ARHGAP15: variants seen among roughly 807,000 people sequenced by gnomAD.
ARHGAP15 encodes rho GTPase-activating protein 15.
A neutral mutation model predicts 63.7 loss-of-function variants in ARHGAP15; 51 were observed. That is an observed-to-expected ratio of 0.80 (90% confidence interval 0.64 to 1.01). ARHGAP15 has a LOEUF of 1.01. Among genes scored for constraint, ARHGAP15 ranks in the 50% least tolerant of loss-of-function variants. The pLI is 0.00. For synonymous variants in ARHGAP15, 191 were observed against 193.8 expected (o/e 0.99, Z 0.12); for missense variants, 560 against 564.6 (o/e 0.99, Z 0.08).
intron 8 of ARHGAP15, among the ~76,000 whole-genome samples, chr2:143,478,327 G>A (rs768117540): frequency 1.3e-4 from 20 of 152,120 alleles, no homozygotes; most frequent in Non-Finnish European, 2.4e-4. Context: ...TCTCTCAGCC[G>A]TACAATGATA....
chr2:143,572,324 C>A (rs1034264150), intron 11 of ARHGAP15, among the ~76,000 whole-genome samples: 5 of 152,176 alleles, frequency 3.3e-5, no homozygotes, highest in African/African-American at 1.2e-4. Context: ...CTGTCCTCAC[C>A]CCTGACACCT....
chr2:143,468,790 T>C (rs1360797422), intron 8 of ARHGAP15, among the ~76,000 whole-genome samples: 1 of 152,086 alleles, frequency 6.6e-6, no homozygotes, highest in African/African-American at 2.4e-5. Context: ...GTAAAATCAG[T>C]AGTCTATTCA....
chr2:143,288,241 A>T (rs1432345976), intron 6 of ARHGAP15, among the ~76,000 whole-genome samples: 2 of 152,190 alleles, frequency 1.3e-5, no homozygotes, highest in Admixed American at 6.5e-5. Context: ...CACTCAGTTC[A>T]GTCCTGTGCA....
At chr2:143,449,892 A>G (rs1321313319) in intron 8 of ARHGAP15, among the ~76,000 whole-genome samples, 1 of 151,926 alleles carries the variant, frequency 6.6e-6, no homozygotes, top group African/African-American at 2.4e-5. Context: ...AATCTTTCTC[A>G]TAAATTTGCC....
intron 5 of ARHGAP15, chr2:143,235,892 AGCACT>A (rs1693623090): frequency 6.6e-7 from 1 of 1,515,486 alleles, no homozygotes; most frequent in Admixed American, 2.3e-5. Flanking sequence ...AATTGACTCT[AGCACT>A]TCATTTGCAG....
At chr2:143,576,871 A>G (rs1310805123) in intron 11 of ARHGAP15, among the ~76,000 whole-genome samples, 1 of 152,162 alleles carries the variant, frequency 6.6e-6, no homozygotes, top group Non-Finnish European at 1.5e-5. Flanking sequence ...ATTGGAATGA[A>G]AGGAAGTCCA....
chr2:143,283,404 G>A (rs1681950426), intron 6 of ARHGAP15, among the ~76,000 whole-genome samples: 1 of 152,034 alleles, frequency 6.6e-6, no homozygotes, highest in African/African-American at 2.4e-5. Context: ...AAAATTTGAA[G>A]TAAGACAAAA....
chr2:143,235,909 T>C lies in ARHGAP15; in HGVS notation c.384+7241T>C, dbSNP rs555710755. ...TTGACTCTAGCACTTCATTTGCAGC[T>C]TGACTCCTAAGTACCTGCTGTACTT... On this transcript the variant is annotated intron_variant, in intron 5 of 13. Transcript: ENST00000295095. The C allele has an allele frequency of 7.2e-6, 11 of 1,530,008 alleles. No individual in the cohort carries two copies. In the East Asian group the frequency reaches 2.8e-4, roughly 38 times the overall value. The allele number at this position is 1,530,008 out of a possible 1,614,324, so 94.8% of individuals were successfully genotyped here. A position where few individuals can be genotyped will look rare whatever the true frequency, so the allele number is the denominator to read the frequency against.
intron 11 of ARHGAP15, among the ~76,000 whole-genome samples, chr2:143,588,431 T>C (rs1697194720): frequency 6.6e-6 from 1 of 152,126 alleles, no homozygotes; most frequent in Non-Finnish European, 1.5e-5. Context: ...TAGGTATACA[T>C]GTGCCATGGT....
intron 9 of ARHGAP15, among the ~76,000 whole-genome samples, chr2:143,504,670 T>C (rs950273890): frequency 6.6e-6 from 1 of 152,204 alleles, no homozygotes; most frequent in African/African-American, 2.4e-5. Flanking sequence ...TGAAGTGTGT[T>C]GCACAATTTG....
intron 6 of ARHGAP15, among the ~76,000 whole-genome samples, chr2:143,405,762 G>T (rs1688174063): frequency 6.6e-6 from 1 of 151,824 alleles, no homozygotes; most frequent in African/African-American, 2.4e-5. Flanking sequence ...CTTGGGTAAT[G>T]CTTCATTTCT....
In ARHGAP15 at chr2:143,278,522, C is replaced by G. The variant is rs372641042; in HGVS notation, c.474+27922C>G. On this transcript the variant is annotated intron_variant, in intron 6 of 13. Coordinates refer to ENST00000295095, the MANE Select transcript of ARHGAP15 (RefSeq NM_018460.4). The stretch of plus-strand genomic sequence containing the variant: ...CTGAGAATGCCTGCTAAATTTGGCC[C>G]CTTTTTTAGACACTGACCTTGGGCA... Among the ~76,000 whole-genome samples the G allele has an allele frequency of 9.2e-5, 14 of 152,182 alleles. No homozygotes were observed. The South Asian group carries it at 2.9e-3, about 32-fold the overall frequency.
intron 12 of ARHGAP15, among the ~76,000 whole-genome samples, chr2:143,697,676 T>C (rs1424256850): frequency 6.6e-6 from 1 of 152,206 alleles, no homozygotes; most frequent in East Asian, 1.9e-4. Context: ...AAAGCAACTA[T>C]GAGTTACTCA....
chr2:143,766,202 A>G (rs1686941748), intron 13 of ARHGAP15, among the ~76,000 whole-genome samples: 2 of 152,174 alleles, frequency 1.3e-5, no homozygotes, highest in African/African-American at 2.4e-5. Flanking sequence ...GGTTTCAGTT[A>G]TCCAAAGTCA....
At chr2:143,239,986 G>T in intron 5 of ARHGAP15, among the ~76,000 whole-genome samples, 1 of 57,966 alleles carries the variant, frequency 1.7e-5, no homozygotes, top group Non-Finnish European at 2.9e-5. Context: ...GTGAGACTCT[G>T]TCTCAAAAAA....
At chr2:143,250,846 T>C (rs760924362) in intron 6 of ARHGAP15, among the ~76,000 whole-genome samples, 5 of 152,040 alleles carry the variant, frequency 3.3e-5, no homozygotes, top group Admixed American at 1.3e-4. Context: ...ACAAAAGTCA[T>C]TGAAGTTTGC....
At chr2:143,406,162 C>T (rs915895180) in intron 6 of ARHGAP15, among the ~76,000 whole-genome samples, 1 of 151,454 alleles carries the variant, frequency 6.6e-6, no homozygotes, top group African/African-American at 2.4e-5. Flanking sequence ...ATGGATGTAC[C>T]TCAGTTAATA....
At chr2:143,168,617 C>T (rs1399397387) in intron 2 of ARHGAP15, among the ~76,000 whole-genome samples, 7 of 149,770 alleles carry the variant, frequency 4.7e-5, no homozygotes, top group Non-Finnish European at 1.1e-4. Context: ...TCTGTTTATT[C>T]TGGGTTATCT....
intron 10 of ARHGAP15, among the ~76,000 whole-genome samples, chr2:143,546,288 A>G (rs910491148): frequency 6.6e-6 from 1 of 152,204 alleles, no homozygotes; most frequent in Admixed American, 6.5e-5. Flanking sequence ...TGGCAAATAT[A>G]TGAATTTTAA....
Sources: allele counts gnomAD v4.1 joint callset (sites outside exome capture counted in the v4.1 genomes callset), GRCh38; gene constraint gnomAD v4.1.1; transcripts MANE v1.5; gene names NCBI Gene and HGNC (gene_info 2026-07-23, HGNC 2026-07-21).